FAM47E: variants seen among roughly 807,000 people sequenced by gnomAD.
FAM47E encodes the protein family with sequence similarity 47 member E.
FAM47E carries 32 observed loss-of-function variants against 41.6 expected under a neutral mutation model. That is an observed-to-expected ratio of 0.77 (90% CI 0.58 to 1.03). The LOEUF (loss-of-function observed/expected upper bound fraction) is 1.03. Ranked by LOEUF, FAM47E falls within the 50% of genes least tolerant of loss-of-function variation. The pLI is 0.00. For missense variants in FAM47E, 424 were observed against 485.4 expected (o/e 0.87, Z 1.19); for synonymous variants, 184 against 188.7 (o/e 0.98, Z 0.20).
chr4:76,224,801 C>A (rs7667229), intron 2 of FAM47E, among the ~76,000 whole-genome samples: 56,064 of 151,684 alleles, frequency 0.37, 11,992 homozygotes, highest in Non-Finnish European at 0.49. Flanking sequence ...TGTTTGGTTG[C>A]ATGGAAAAGT....
chr4:76,274,451 T>C (rs551557297), intron 5 of FAM47E, among the ~76,000 whole-genome samples: 1 of 152,248 alleles, frequency 6.6e-6, no homozygotes, highest in East Asian at 1.9e-4. Context: ...TGTGGTGGCA[T>C]GTACCTGTAG....
At position 76,242,968 on chromosome 4, in the gene FAM47E, A is replaced by G. The variant is rs538319628; in HGVS notation, c.82-20736A>G. 2.0e-5 allele frequency among the ~76,000 whole-genome samples: 3 copies of G among 152,348 alleles called. No homozygotes were observed. In the South Asian group the frequency reaches 6.2e-4, roughly 32 times the overall value. On this transcript the variant is annotated intron_variant, in intron 2 of 7. Transcript: ENST00000510197. ...ATATTGCATCCCATAACAATCTTAT[A>G]ACATAGACTGCTGTTAGGTCTATTT...
chr4:76,220,399 G>A (rs1034149600), intron 2 of FAM47E, among the ~76,000 whole-genome samples: 3 of 152,210 alleles, frequency 2.0e-5, no homozygotes, highest in African/African-American at 7.2e-5. Context: ...GACTGAGGCA[G>A]GAGGATTGCT....
intron 2 of FAM47E, among the ~76,000 whole-genome samples, chr4:76,241,408 G>T (rs1733708013): frequency 6.6e-6 from 1 of 152,070 alleles, no homozygotes; most frequent in Non-Finnish European, 1.5e-5. Context: ...TTCTTCTTCT[G>T]CACCTTTGTA....
At chr4:76,263,591 C>G in intron 2 of FAM47E, 113 bp from the exon 3 acceptor site, 1 of 1,343,950 alleles carries the variant, frequency 7.4e-7, no homozygotes, top group Non-Finnish European at 1.0e-6. Flanking sequence ...GTGAACAGCA[C>G]TGATGGACTG....
At chr4:76,226,932 T>C (rs960338140) in intron 2 of FAM47E, among the ~76,000 whole-genome samples, 18 of 152,340 alleles carry the variant, frequency 1.2e-4, no homozygotes, top group African/African-American at 4.1e-4. Context: ...TTGGTTAATC[T>C]CACTAATGGT....
chr4:76,280,659 A>G (rs780728150), intron 7 of FAM47E: 2 of 201,778 alleles, frequency 9.9e-6, no homozygotes, highest in Non-Finnish European at 2.0e-5. Flanking sequence ...GCAAATTCCA[A>G]CTGTTACTCA....
upstream of FAM47E, among the ~76,000 whole-genome samples, chr4:76,250,749 T>C (rs1733939515): frequency 6.6e-6 from 1 of 152,178 alleles, no homozygotes; most frequent in African/African-American, 2.4e-5. Flanking sequence ...CTAATTATAA[T>C]GATTACCTAC....
At chr4:76,229,774 G>T (rs1044782743) in intron 2 of FAM47E, among the ~76,000 whole-genome samples, 1 of 152,208 alleles carries the variant, frequency 6.6e-6, no homozygotes, top group Non-Finnish European at 1.5e-5. Flanking sequence ...AGAGTCCTTG[G>T]TTGTAGATAT....
At chr4:76,275,259 TGGA>T (rs1036983011) in intron 5 of FAM47E, among the ~76,000 whole-genome samples, 3 of 152,172 alleles carry the variant, frequency 2.0e-5, no homozygotes, top group African/African-American at 7.2e-5. Flanking sequence ...TCTCGCTGCC[TGGA>T]GTGCCCCTCC....
At chr4:76,255,477 C>T (rs1734148100) in intron 1 of FAM47E, among the ~76,000 whole-genome samples, 1 of 152,024 alleles carries the variant, frequency 6.6e-6, no homozygotes, top group African/African-American at 2.4e-5. Flanking sequence ...GTTTGTTGGC[C>T]CAATGTAGCC....
chr4:76,234,941 C>T (rs1170830561), intron 2 of FAM47E, among the ~76,000 whole-genome samples: 2 of 152,184 alleles, frequency 1.3e-5, no homozygotes, highest in East Asian at 3.9e-4. Context: ...TTTTTCTTTG[C>T]CTGATTTAAA....
At chr4:76,230,530 C>T (rs1230298273) in intron 2 of FAM47E, among the ~76,000 whole-genome samples, 1 of 152,198 alleles carries the variant, frequency 6.6e-6, no homozygotes, top group East Asian at 1.9e-4. Flanking sequence ...CTTCTTTCTG[C>T]AGCAGTTCCT....
intron 1 of FAM47E, among the ~76,000 whole-genome samples, chr4:76,217,208 C>T (rs1733224010): frequency 6.6e-6 from 1 of 152,206 alleles, no homozygotes; most frequent in East Asian, 1.9e-4. Context: ...CCACTAATAA[C>T]CCTGAACACA....
chr4:76,270,522 A>G (rs1163235933), intron 4 of FAM47E, among the ~76,000 whole-genome samples: 2 of 152,188 alleles, frequency 1.3e-5, no homozygotes, highest in African/African-American at 2.4e-5. Flanking sequence ...GATGAAGCAG[A>G]CGACGCCCAC....
At chr4:76,239,105 T>C (rs1200512370) in intron 2 of FAM47E, among the ~76,000 whole-genome samples, 1 of 152,266 alleles carries the variant, frequency 6.6e-6, no homozygotes, top group Non-Finnish European at 1.5e-5. Flanking sequence ...TGCCATTGTA[T>C]GTGTTTACCA....
Position 76,278,085 on chromosome 4 carries a change from A to G in FAM47E, c.887A>G (p.Lys296Arg). ...LQKPQNPYKPKWVKMRYGAWY... is the reference protein window; with the variant it reads ...LQKPQNPYKPRWVKMRYGAWY... ...TTTCCACAGAATCCTTATAAGCCAA[A>G]GTGGGTGAAGATGAGGTATGGAGCA... The change falls in exon 6 of 8, where the codon AAG becomes AGG. Residue 296 changes from lysine to arginine, a missense_variant. Lys to Arg is a conservative substitution (Grantham distance 26). Transcript: ENST00000424749. The G allele has an allele frequency of 1.3e-6, 2 of 1,519,064 alleles. No individual in the cohort carries two copies. The highest frequency in any genetic ancestry group is 1.7e-4 in the Middle Eastern group (1 of 5,800). 94.1% of individuals were successfully genotyped at this position (1,519,064 alleles called of 1,614,324 possible).
upstream of FAM47E, among the ~76,000 whole-genome samples, chr4:76,247,291 G>A (rs78586815): frequency 0.12 from 18,002 of 151,974 alleles, 1,408 homozygotes; most frequent in East Asian, 0.34. Context: ...TTCTTTTTAT[G>A]AATAATTTTC....
chr4:76,276,035 CAG>C (rs1239657396), intron 5 of FAM47E, among the ~76,000 whole-genome samples: 18 of 52,746 alleles, frequency 3.4e-4, no homozygotes, highest in African/African-American at 9.9e-4. Flanking sequence ...GACAGACAGA[CAG>C]ACACACACAC....
Sources: allele counts gnomAD v4.1 joint callset (sites outside exome capture counted in the v4.1 genomes callset), GRCh38; gene constraint gnomAD v4.1.1; transcripts MANE v1.5; gene names NCBI Gene and HGNC (gene_info 2026-07-23, HGNC 2026-07-21).